LRRC53: variants seen among roughly 807,000 people sequenced by gnomAD.
LRRC53 encodes the protein leucine-rich repeat-containing protein 53.
A neutral mutation model predicts 13.6 loss-of-function variants in LRRC53; 25 were observed. That is an observed-to-expected ratio of 1.83 (90% CI 1.34 to 2.56). LRRC53 has a LOEUF of 2.56. Ranked by LOEUF, LRRC53 falls within the 30% of genes most tolerant of loss-of-function variation. The pLI is 0.00. For missense variants in LRRC53, 527 were observed against 275.8 expected, an observed-to-expected ratio of 1.91 and a Z score of -6.45; for synonymous variants, 204 against 109.8, an observed-to-expected ratio of 1.86 and a Z score of -5.37.
intron 4 of LRRC53, 79 bp from the exon 5 acceptor site, chr1:74,472,280 T>C (rs1438802630): frequency 3.0e-6 from 2 of 674,300 alleles, no homozygotes; most frequent in African/African-American, 1.8e-5. Flanking sequence ...AGAAACCTTA[T>C]GAAAAGTATA....
chr1:74,520,456 A>G, the LRRC53 span, among the ~76,000 whole-genome samples: 1 of 151,726 alleles, frequency 6.6e-6, no homozygotes, highest in Non-Finnish European at 1.5e-5. Flanking sequence ...GGAGAAATCG[A>G]CCTTCTCATT....
Position 74,470,172 on chromosome 1 carries a change from T to C in LRRC53, c.3450A>G (p.Gln1150=), listed in dbSNP as rs1356764801. 2.5e-6 allele frequency: 1 copy of C among 400,732 alleles called. No individual in the cohort carries two copies. The highest frequency in any genetic ancestry group is 3.6e-5 in the East Asian group (1 of 28,066). The allele number at this position is 400,732 out of a possible 1,614,324, so 24.8% of individuals were successfully genotyped here. A position where few individuals can be genotyped will look rare whatever the true frequency, so the allele number is the denominator to read the frequency against. The change falls in exon 5 of 5, where the codon CAA becomes CAG. Residue 1150 remains glutamine (Q), a synonymous_variant. Transcript: ENST00000294635. ...CTACTTCACTGCAAAGTATTCTATT[T>C]TGGGTTTCATGGGAACTTGTGATAC... is the stretch of plus-strand genomic sequence containing the variant. ...DLSITSSHET[Q]NRILCSEVDP...
chr1:74,474,431 A>G lies in LRRC53; in HGVS notation c.1420+864T>C, dbSNP rs143440304. On this transcript the variant is annotated intron_variant, in intron 4 of 4. Coordinates refer to ENST00000294635, the MANE Select transcript of LRRC53 (RefSeq NM_001382280.1). ...CCTACCTTATAACATACGTGAAATAACATATGGTTTTATTCTTATCCAGTC... is the reference window on the plus strand; with the variant it reads ...CCTACCTTATAACATACGTGAAATAGCATATGGTTTTATTCTTATCCAGTC... Among the ~76,000 whole-genome samples, 462 of 152,238 alleles carry G rather than the reference A, an allele frequency of 3.0e-3. 1 individual carries two copies. The highest frequency in any genetic ancestry group is 0.011 in the African/African-American group (447 of 41,554).
At chr1:74,478,682 A>C (rs554109941) in intron 3 of LRRC53, among the ~76,000 whole-genome samples, 1 of 152,312 alleles carries the variant, frequency 6.6e-6, no homozygotes, top group East Asian at 1.9e-4. Flanking sequence ...CAGTGAGTAT[A>C]CCTGTTTCAC....
Position 74,471,989 on chromosome 1 carries a change from G to A in LRRC53, c.1633C>T (p.Gln545Ter), listed in dbSNP as rs1442116914. The A allele has an allele frequency of 1.6e-6, 1 of 631,128 alleles. No homozygotes were observed. The highest frequency in any genetic ancestry group is 2.9e-6 in the Non-Finnish European group (1 of 348,060). The allele number at this position is 631,128 out of a possible 1,614,324, so 39.1% of individuals were successfully genotyped here. ...PEEHYVQKIVQKNRSKYDDPC... is the reference protein window; with the variant it reads ...PEEHYVQKIV ...TCATCATATTTTGATCTATTTTTTT[G>A]TACGATCTTTTGTACATAGTGTTCC... Residue 545 changes from glutamine (Q) to a stop codon, truncating the protein, a stop_gained, in exon 5 of 5, where the codon CAA (glutamine) becomes TAA (stop). Coordinates refer to ENST00000294635, the MANE Select transcript of LRRC53 (RefSeq NM_001382280.1). LOFTEE classifies it low-confidence loss of function (END_TRUNC).
intron 3 of LRRC53, among the ~76,000 whole-genome samples, chr1:74,476,046 A>G (rs1668190201): frequency 6.6e-6 from 1 of 152,130 alleles, no homozygotes; most frequent in Non-Finnish European, 1.5e-5. Flanking sequence ...CACCATCTGG[A>G]ATCTCTTTGG....
At chr1:74,489,228 G>A in intron 1 of LRRC53, 3 of 1,612,298 alleles carry the variant, frequency 1.9e-6, no homozygotes, top group Non-Finnish European at 2.5e-6. Context: ...GAAGTTAGAA[G>A]AGTGTCTCTG....
At chr1:74,491,045 A>G (rs1998770) in intron 1 of LRRC53, among the ~76,000 whole-genome samples, 15,818 of 152,220 alleles carry the variant, frequency 0.1, 2,170 homozygotes, top group African/African-American at 0.32. Flanking sequence ...GCAAAGTGGT[A>G]TCCAGTTGTG....
intron 1 of LRRC53, among the ~76,000 whole-genome samples, chr1:74,501,381 TTTC>T (rs567992883): frequency 7.5e-4 from 114 of 152,370 alleles, no homozygotes; most frequent in African/African-American, 2.6e-3. Flanking sequence ...GCTCCATACT[TTTC>T]TTCTTTTATT....
chr1:74,496,664 T>A (rs1669342866), intron 1 of LRRC53, among the ~76,000 whole-genome samples: 2 of 152,154 alleles, frequency 1.3e-5, no homozygotes, highest in Admixed American at 6.6e-5. Context: ...TGTCAGAGAT[T>A]TTCTCCACAG....
At position 74,475,695 on chromosome 1, in the gene LRRC53, CAG is replaced by C. The variant is rs1445286347; in HGVS notation, c.1018_1019del (p.Leu340ValfsTer4). The stretch of plus-strand genomic sequence containing the variant: ...GGTAATTTCTTGCCTCATGAGCACA[CAG>C]GGGTTCATCGAAGGTTCTGCAACAA... ...NLCCRTFDEP[L>X]CAHEARNYHT... is the part of the protein sequence containing the mutation. On this transcript the variant is annotated frameshift_variant, in exon 4 of 5. Transcript: ENST00000294635. LOFTEE classifies it high-confidence loss of function. 2 of 709,414 alleles carry C rather than the reference CAG, an allele frequency of 2.8e-6. No homozygotes were observed. Among genetic ancestry groups the C allele is most frequent in the East Asian group, 2.7e-5 (1 of 37,162 alleles). The allele number at this position is 709,414 out of a possible 1,614,324, so 43.9% of individuals were successfully genotyped here.
upstream of LRRC53, among the ~76,000 whole-genome samples, chr1:74,517,419 A>G (rs1048977063): frequency 2.0e-5 from 3 of 152,212 alleles, no homozygotes; most frequent in Admixed American, 6.5e-5. Context: ...CAAACCTTCA[A>G]ACACTTACTT....
chr1:74,496,406 A>T (rs1669327496), intron 1 of LRRC53, among the ~76,000 whole-genome samples: 1 of 152,186 alleles, frequency 6.6e-6, no homozygotes, highest in Non-Finnish European at 1.5e-5. Context: ...GTAATTTTTT[A>T]GTATAGCATT....
At chr1:74,477,932 C>A (rs879802674) in intron 3 of LRRC53, among the ~76,000 whole-genome samples, 1 of 152,188 alleles carries the variant, frequency 6.6e-6, no homozygotes, top group Non-Finnish European at 1.5e-5. Context: ...ATTACAGCTT[C>A]ATAAAAACTT....
At chr1:74,501,196 T>A (rs1486118624) in intron 1 of LRRC53, among the ~76,000 whole-genome samples, 1 of 152,212 alleles carries the variant, frequency 6.6e-6, no homozygotes, top group African/African-American at 2.4e-5. Context: ...GCTTTCTGGG[T>A]AATTTTTTCA....
chr1:74,504,978 TTC>T (rs1669820016), intron 1 of LRRC53, among the ~76,000 whole-genome samples: 1 of 152,128 alleles, frequency 6.6e-6, no homozygotes, highest in Admixed American at 6.5e-5. Flanking sequence ...GGTGACAGAT[TTC>T]TCAGTTTTCA....
chr1:74,478,353 G>A (rs1374220438), intron 3 of LRRC53, among the ~76,000 whole-genome samples: 2 of 152,030 alleles, frequency 1.3e-5, no homozygotes, highest in African/African-American at 4.8e-5. Context: ...TGTATATTAA[G>A]CTCCCAGTCA....
chr1:74,515,445 A>G (rs571497072), upstream of LRRC53, among the ~76,000 whole-genome samples: 4 of 152,310 alleles, frequency 2.6e-5, no homozygotes, highest in Admixed American at 2.0e-4. Context: ...GTGAAATTCT[A>G]ACGTTTTATC....
Position 74,471,204 on chromosome 1 carries a change from G to T in LRRC53, c.2418C>A (p.Ala806=), listed in dbSNP as rs569188472. ...TPYYQRNTKR[A]PLLSANNLRV... is the part of the protein sequence containing the mutation. The stretch of plus-strand genomic sequence containing the variant: ...GCAAGTTGTTAGCACTGAGCAGGGG[G>T]GCACGTTTAGTGTTTCGTTGATAAT... The change falls in exon 5 of 5, where the codon GCC becomes GCA. Residue 806 remains alanine, a synonymous_variant. Transcript: ENST00000294635. The T allele has an allele frequency of 7.5e-6, 3 of 400,660 alleles. No individual in the cohort carries two copies. The Admixed American group carries it at 1.3e-4, about 18-fold the overall frequency. 24.8% of individuals were successfully genotyped at this position (400,660 alleles called of 1,614,324 possible).
Sources: gnomAD v4.1 joint callset for allele counts (sites outside exome capture counted in the v4.1 genomes callset) on GRCh38, gnomAD v4.1.1 for gene constraint, MANE v1.5 for transcripts, NCBI Gene and HGNC (gene_info 2026-07-23, HGNC 2026-07-21) for gene names.